The following CCDC91 variants were observed in gnomAD, a reference collection of about 807,000 sequenced individuals.
CCDC91 encodes coiled-coil domain containing 91.
In CCDC91, 48 loss-of-function variants were observed where a neutral mutation model predicts 63.2. That is an observed-to-expected ratio of 0.76 (90% CI 0.60 to 0.97). The LOEUF (loss-of-function observed/expected upper bound fraction) is 0.97. Among genes scored for constraint, CCDC91 ranks in the 50% least tolerant of loss-of-function variants. The pLI, the probability that CCDC91 is intolerant of heterozygous loss-of-function variation, is 0.00. For synonymous variants in CCDC91, 167 were observed against 165.8 expected, an observed-to-expected ratio of 1.01 and a Z score of -0.06; for missense variants, 500 against 494.6, an observed-to-expected ratio of 1.01 and a Z score of -0.10.
At chr12:28,338,557 G>GTA (rs1325767263) in intron 6 of CCDC91, among the ~76,000 whole-genome samples, 1 of 152,002 alleles carries the variant, frequency 6.6e-6, no homozygotes, top group Admixed American at 6.6e-5. Context: ...GAGATACCAG[G>GTA]GGGCCACCCT....
At chr12:28,434,291 A>G (rs759126121) in intron 8 of CCDC91, among the ~76,000 whole-genome samples, 2 of 151,622 alleles carry the variant, frequency 1.3e-5, no homozygotes, top group Non-Finnish European at 3.0e-5. Context: ...CTTGTTTTAT[A>G]GTTCGATAAT....
intron 12 of CCDC91, among the ~76,000 whole-genome samples, chr12:28,503,960 A>G (rs963119877): frequency 9.9e-5 from 15 of 152,052 alleles, no homozygotes; most frequent in Non-Finnish European, 2.2e-4. Flanking sequence ...GGGGAGGGAT[A>G]GCATTCGGAG....
In CCDC91 at chr12:28,522,053, C is replaced by T. The variant is rs144577437; in HGVS notation, c.1216-27010C>T. ...AATTCTGTTTTTTATTGTGTCTCTGCCAGGCTTTGGTATCAGGATGATGCT... is the reference window on the plus strand; with the variant it reads ...AATTCTGTTTTTTATTGTGTCTCTGTCAGGCTTTGGTATCAGGATGATGCT... On this transcript the variant is annotated intron_variant, in intron 12 of 12. Coordinates refer to ENST00000536442, the MANE Select transcript of CCDC91 (RefSeq NM_018318.5). Among the ~76,000 whole-genome samples the T allele has an allele frequency of 1.3e-3, 195 of 152,208 alleles. 4 individuals are homozygous for T. In the East Asian group the frequency reaches 0.031, roughly 24 times the overall value.
At chr12:28,541,914 AT>A (rs1196437185) in intron 12 of CCDC91, among the ~76,000 whole-genome samples, 1 of 152,148 alleles carries the variant, frequency 6.6e-6, no homozygotes, top group African/African-American at 2.4e-5. Context: ...ATATAGCCTT[AT>A]GGATCAGAAC....
rs527320312 is a variant in CCDC91, at chr12:28,242,517, C to T, written c.-14-14685C>T. Among the ~76,000 whole-genome samples the T allele has an allele frequency of 5.9e-5, 9 of 152,204 alleles. No individual in the cohort carries two copies. In the East Asian group the frequency reaches 1.7e-3, roughly 29 times the overall value. On this transcript the variant is annotated intron_variant, in intron 1 of 12. Coordinates refer to ENST00000536442, the MANE Select transcript of CCDC91 (RefSeq NM_018318.5). Reference sequence around the variant, plus strand: ...ACAGAAAAGAGGGCAGCATGTTTCTCAGGGCCAGATGGGAAAGGGGAAGCC... The same window carrying T: ...ACAGAAAAGAGGGCAGCATGTTTCTTAGGGCCAGATGGGAAAGGGGAAGCC...
intron 3 of CCDC91, among the ~76,000 whole-genome samples, chr12:28,261,751 A>AT (rs1946834787): frequency 6.6e-6 from 1 of 152,018 alleles, no homozygotes; most frequent in African/African-American, 2.4e-5. Flanking sequence ...TATATGTCAC[A>AT]TCTGCACGTC....
intron 6 of CCDC91, among the ~76,000 whole-genome samples, chr12:28,332,530 A>AC (rs1310982210): frequency 6.6e-6 from 1 of 152,216 alleles, no homozygotes; most frequent in Non-Finnish European, 1.5e-5. Context: ...GAATAAATTA[A>AC]CAAATGAGAA....
chr12:28,395,490 T>C (rs747391511), intron 8 of CCDC91, among the ~76,000 whole-genome samples: 3 of 152,212 alleles, frequency 2.0e-5, no homozygotes, highest in Non-Finnish European at 2.9e-5. Context: ...CCCCTTCCAG[T>C]TTGATAATTT....
intron 1 of CCDC91, among the ~76,000 whole-genome samples, chr12:28,210,058 C>G (rs894247301): frequency 6.6e-6 from 1 of 152,108 alleles, no homozygotes; most frequent in African/African-American, 2.4e-5. Context: ...TTTTAAACAA[C>G]CAGTCATTTT....
intron 8 of CCDC91, among the ~76,000 whole-genome samples, chr12:28,441,057 C>CAAAAAAAAAAAAAAA (rs60278449): frequency 1.7e-3 from 92 of 52,700 alleles, no homozygotes; most frequent in East Asian, 4.2e-3. Context: ...GACTCCATCT[C>CAAAAAAAAAAAAAAA]AAAAAAAAAA....
At chr12:28,398,397 G>A (rs1229282060) in intron 8 of CCDC91, among the ~76,000 whole-genome samples, 1 of 152,058 alleles carries the variant, frequency 6.6e-6, no homozygotes, top group Admixed American at 6.5e-5. Context: ...GTATTCTATT[G>A]TATGGAAACG....
intron 1 of CCDC91, among the ~76,000 whole-genome samples, chr12:28,230,272 T>C (rs1428527865): frequency 6.6e-6 from 1 of 152,216 alleles, no homozygotes; most frequent in African/African-American, 2.4e-5. Context: ...ATCCTCCATA[T>C]ATTCTGGGTA....
intron 1 of CCDC91, among the ~76,000 whole-genome samples, chr12:28,206,743 T>C (rs1942885290): frequency 6.6e-6 from 1 of 152,224 alleles, no homozygotes; most frequent in Non-Finnish European, 1.5e-5. Flanking sequence ...AGCATGACTT[T>C]TACAAGAGAA....
At chr12:28,324,464 G>A (rs1940801768) in intron 6 of CCDC91, among the ~76,000 whole-genome samples, 3 of 151,758 alleles carry the variant, frequency 2.0e-5, no homozygotes, top group Admixed American at 2.0e-4. Context: ...CCTCAGCAAT[G>A]CCATTGCCCT....
intron 6 of CCDC91, among the ~76,000 whole-genome samples, chr12:28,343,035 A>C (rs578041397): frequency 3.9e-5 from 6 of 152,066 alleles, no homozygotes; most frequent in Non-Finnish European, 8.8e-5. Flanking sequence ...AAGAGTAGAA[A>C]ATGCATGTTT....
intron 12 of CCDC91, among the ~76,000 whole-genome samples, chr12:28,515,113 A>G (rs923360337): frequency 2.0e-5 from 3 of 151,804 alleles, no homozygotes; most frequent in Non-Finnish European, 4.4e-5. Context: ...ACCCCCAAGA[A>G]AAAAAGAAAT....
intron 3 of CCDC91, among the ~76,000 whole-genome samples, chr12:28,263,267 A>C (rs1212466624): frequency 6.6e-6 from 1 of 151,974 alleles, no homozygotes; most frequent in African/African-American, 2.4e-5. Flanking sequence ...ATAAAACATA[A>C]AATTTACCAT....
intron 12 of CCDC91, 103 bp downstream of exon 12, chr12:28,484,268 A>G (rs530457531): frequency 8.6e-5 from 47 of 547,622 alleles, no homozygotes; most frequent in Non-Finnish European, 1.4e-4. Context: ...GTCCTGTGTC[A>G]TCTAACTTAC....
At chr12:28,281,106 T>G (rs1255527562) in intron 3 of CCDC91, among the ~76,000 whole-genome samples, 1 of 152,176 alleles carries the variant, frequency 6.6e-6, no homozygotes, top group Non-Finnish European at 1.5e-5. Flanking sequence ...TTTGAAGCAT[T>G]GATATTTGGC....
Sources: allele counts gnomAD v4.1 joint callset (sites outside exome capture counted in the v4.1 genomes callset), GRCh38; gene constraint gnomAD v4.1.1; transcripts MANE v1.5; gene names NCBI Gene and HGNC (gene_info 2026-07-23, HGNC 2026-07-21).